Variants in EIF4ENIF1 observed in about 807,000 individuals in gnomAD.
EIF4ENIF1 encodes eukaryotic translation initiation factor 4E transporter.
EIF4ENIF1 carries 23 observed loss-of-function variants against 110.5 expected under a neutral mutation model. The ratio of observed to expected loss-of-function variants is 0.21; its 90% CI spans 0.15 to 0.29. EIF4ENIF1 has a LOEUF of 0.29. Among genes scored for constraint, EIF4ENIF1 ranks in the 10% least tolerant of loss-of-function variants. The pLI is 1.00. For synonymous variants in EIF4ENIF1, 440 were observed against 437.0 expected (o/e 1.01, Z -0.09); for missense variants, 1,031 against 1,221.1 (o/e 0.84, Z 2.32).
chr22:31,483,848 C>T (rs1225637275), intron 2 of EIF4ENIF1, among the ~76,000 whole-genome samples: 1 of 152,102 alleles, frequency 6.6e-6, no homozygotes, highest in African/African-American at 2.4e-5. Flanking sequence ...GGAATGTGGC[C>T]TAGAAAACAG....
At chr22:31,438,723 T>TTAAC (rs2050210080), downstream of EIF4ENIF1, among the ~76,000 whole-genome samples, 1 of 151,992 alleles carries the variant, frequency 6.6e-6, no homozygotes, top group African/African-American at 2.4e-5. Flanking sequence ...TAGAGTCCAA[T>TTAAC]TAACTTTTTT....
upstream of EIF4ENIF1, among the ~76,000 whole-genome samples, chr22:31,490,263 C>T (rs1283598911): frequency 5.3e-5 from 8 of 152,368 alleles, no homozygotes; most frequent in East Asian, 1.5e-3. Flanking sequence ...GCGACGACCG[C>T]TGTATTTGCA....
intron 7 of EIF4ENIF1, among the ~76,000 whole-genome samples, chr22:31,456,413 CG>C (rs1015490424): frequency 2.2e-4 from 34 of 151,554 alleles, no homozygotes; most frequent in Admixed American, 3.3e-4. Flanking sequence ...TTAGTAGAGA[CG>C]GGGTTTTACC....
At chr22:31,443,802 G>T (rs2050378240) in intron 15 of EIF4ENIF1, among the ~76,000 whole-genome samples, 4 of 144,658 alleles carry the variant, frequency 2.8e-5, no homozygotes, top group Non-Finnish European at 1.5e-5. Context: ...TGTGGGGAAT[G>T]AACCTTTTTT....
At chr22:31,465,419 A>G (rs752673890) in intron 4 of EIF4ENIF1, among the ~76,000 whole-genome samples, 1 of 152,204 alleles carries the variant, frequency 6.6e-6, no homozygotes, top group Non-Finnish European at 1.5e-5. Flanking sequence ...AAATAAGCAT[A>G]TGAAAAGATA....
chr22:31,454,459 T>C (rs2050758688), intron 9 of EIF4ENIF1, 83 bp from the exon 10 acceptor site: 4 of 1,152,004 alleles, frequency 3.5e-6, no homozygotes, highest in Non-Finnish European at 5.0e-6. Context: ...ACAGATAAGA[T>C]GAAAATAATT....
intron 10 of EIF4ENIF1, among the ~76,000 whole-genome samples, chr22:31,453,668 C>T (rs1264364601): frequency 6.6e-6 from 1 of 152,140 alleles, no homozygotes; most frequent in Non-Finnish European, 1.5e-5. Context: ...CCACTGTGCT[C>T]AGCCCCATCT....
chr22:31,447,358 ATAAG>A, intron 14 of EIF4ENIF1, 64 bp downstream of exon 14: 1 of 1,585,248 alleles, frequency 6.3e-7, no homozygotes, highest in Non-Finnish European at 8.6e-7. Flanking sequence ...TATACTGCAG[ATAAG>A]TAATTTATTA....
intron 10 of EIF4ENIF1, 46 bp downstream of exon 10, chr22:31,454,098 G>T: frequency 6.6e-7 from 1 of 1,508,944 alleles, no homozygotes. Flanking sequence ...GGAAAAAGAA[G>T]AAAAAAAAAG....
chr22:31,481,358 C>T (rs946428839), intron 2 of EIF4ENIF1, among the ~76,000 whole-genome samples: 4 of 151,438 alleles, frequency 2.6e-5, no homozygotes, highest in African/African-American at 9.7e-5. Flanking sequence ...GATGGGGTCT[C>T]ACTATATTGC....
At chr22:31,481,328 ATTTTTTT>A (rs35792669) in intron 2 of EIF4ENIF1, among the ~76,000 whole-genome samples, 1 of 147,630 alleles carries the variant, frequency 6.8e-6, no homozygotes, top group African/African-American at 2.5e-5. Flanking sequence ...ACCTCTGGCA[ATTTTTTT>A]TTTTTTTAAC....
intron 8 of EIF4ENIF1, 61 bp from the exon 9 acceptor site, chr22:31,455,376 A>C: frequency 7.9e-7 from 1 of 1,271,852 alleles, no homozygotes; most frequent in Non-Finnish European, 1.0e-6. Context: ...CATGCCTTCG[A>C]CAGTATTTTT....
At chr22:31,484,645 C>CCAA (rs1188450770) in intron 2 of EIF4ENIF1, among the ~76,000 whole-genome samples, 2 of 152,074 alleles carry the variant, frequency 1.3e-5, no homozygotes, top group African/African-American at 4.8e-5. Context: ...ACCAGCCTGA[C>CCAA]CAACATGGAG....
intron 3 of EIF4ENIF1, among the ~76,000 whole-genome samples, chr22:31,471,016 C>CAAA (rs879352107): frequency 1.2e-5 from 1 of 83,574 alleles, no homozygotes; most frequent in African/African-American, 4.5e-5. Flanking sequence ...CTGTCTCGGA[C>CAAA]AAAAAAAAAA....
At position 31,441,933 on chromosome 22, in the gene EIF4ENIF1, G is replaced by C; in HGVS notation, c.2392C>G (p.Pro798Ala). The change falls in exon 17 of 19, where the codon CCA becomes GCA. Residue 798 changes from proline (P) to alanine (A), a missense_variant. Transcript: ENST00000330125. ...TGRKTPTLAS[P>A]VPTTPFLRPV... ...CGGAGAAAAGGTGTTGTAGGAACTG[G>C]GGATGCCAAGGTGGGTGTTTTTCTC... The C allele has an allele frequency of 6.2e-7, 1 of 1,614,168 alleles. No individual in the cohort carries two copies. The highest frequency in any genetic ancestry group is 8.5e-7 in the Non-Finnish European group (1 of 1,180,030).
rs770721558 is a variant in EIF4ENIF1 at position 31,463,041 on chromosome 22, G to A, written c.678C>T (p.Pro226=). The part of the protein sequence containing the change: ...EEEPEWFSAG[P]TSQSETIELT... ...GTTCGATGGTTTCAGACTGACTTGT[G>A]GGTCCAGCAGAGAACCACTCTGGTT... Residue 226 remains proline, a synonymous_variant, in exon 6 of 19, where the codon CCC becomes CCT. Coordinates refer to ENST00000330125, the MANE Select transcript of EIF4ENIF1 (RefSeq NM_019843.4). The A allele has an allele frequency of 6.2e-7, 1 of 1,614,116 alleles. No homozygotes were observed.
chr22:31,465,126 C>T (rs2051140532), intron 4 of EIF4ENIF1, among the ~76,000 whole-genome samples: 1 of 151,968 alleles, frequency 6.6e-6, no homozygotes, highest in Non-Finnish European at 1.5e-5. Context: ...GAGTTCGAGA[C>T]TAGCCTGACC....
intron 6 of EIF4ENIF1, among the ~76,000 whole-genome samples, chr22:31,460,130 T>C (rs2050945531): frequency 6.6e-6 from 1 of 152,222 alleles, no homozygotes; most frequent in Admixed American, 6.5e-5. Context: ...CCAAGTTACC[T>C]ATCAATTTCT....
chr22:31,439,630 T>C lies in EIF4ENIF1; in HGVS notation c.*250A>G. ...AGGACACCAACACTTCATTCACATA[T>C]CTTACAAAAAAGAAAGACCATTTCC... On this transcript the variant is annotated 3_prime_UTR_variant, in exon 19 of 19. Transcript: ENST00000330125. 1 of 532,784 alleles carries C rather than the reference T, an allele frequency of 1.9e-6. No individual in the cohort carries two copies. Among genetic ancestry groups the C allele is most frequent in the Non-Finnish European group, 3.2e-6 (1 of 308,696 alleles). 33.0% of individuals were successfully genotyped at this position (532,784 alleles called of 1,614,324 possible).
Sources: allele counts gnomAD v4.1 joint callset (sites outside exome capture counted in the v4.1 genomes callset), GRCh38; gene constraint gnomAD v4.1.1; transcripts MANE v1.5; gene names NCBI Gene and HGNC (gene_info 2026-07-23, HGNC 2026-07-21).